The following HS6ST3 variants were observed in gnomAD, a reference collection of about 807,000 sequenced individuals.
HS6ST3 encodes the protein heparan sulfate 6-O-sulfotransferase 3, also known as heparan-sulfate 6-O-sulfotransferase 3.
HS6ST3 carries 12 observed loss-of-function variants against 36.7 expected under a neutral mutation model. That is an observed-to-expected ratio of 0.33 (90% CI 0.21 to 0.53). HS6ST3 has a LOEUF of 0.53. HS6ST3 is among the 20% of genes least tolerant of loss of function. The pLI, the probability that HS6ST3 is intolerant of heterozygous loss-of-function variation, is 0.95. For synonymous variants in HS6ST3, 240 were observed against 257.5 expected (o/e 0.93, Z 0.65); for missense variants, 584 against 640.9 (o/e 0.91, Z 0.96).
intron 1 of HS6ST3, among the ~76,000 whole-genome samples, chr13:96,128,240 G>C (rs1474879446): frequency 6.6e-6 from 1 of 152,196 alleles, no homozygotes; most frequent in Non-Finnish European, 1.5e-5. Flanking sequence ...AAGCAGCTCT[G>C]AATGTGCTTA....
chr13:96,425,200 G>A (rs2055580602), intron 1 of HS6ST3, among the ~76,000 whole-genome samples: 1 of 152,214 alleles, frequency 6.6e-6, no homozygotes, highest in South Asian at 2.1e-4. Flanking sequence ...CAGCCTCTTA[G>A]ATCATTGTGA....
At chr13:96,313,922 C>T (rs900662414) in intron 1 of HS6ST3, among the ~76,000 whole-genome samples, 2 of 152,088 alleles carry the variant, frequency 1.3e-5, no homozygotes, top group Admixed American at 1.3e-4. Flanking sequence ...TCCCCAAGGC[C>T]GTAAGTGGTA....
At chr13:96,384,268 T>A (rs2055356635) in intron 1 of HS6ST3, among the ~76,000 whole-genome samples, 1 of 152,158 alleles carries the variant, frequency 6.6e-6, no homozygotes, top group Non-Finnish European at 1.5e-5. Flanking sequence ...TTATTTTATT[T>A]TTGTTCTTTT....
rs79050827 is a variant in HS6ST3 at position 96,697,727 on chromosome 13, C to T, written c.708-134763C>T. On this transcript the variant is annotated intron_variant, in intron 1 of 1. Coordinates refer to ENST00000376705, the MANE Select transcript of HS6ST3 (RefSeq NM_153456.4). ...AATCTGATAACCTCTATGACTTTTTCGATAAGATATTAGTAAAATTATTTC... is the reference window on the plus strand; with the variant it reads ...AATCTGATAACCTCTATGACTTTTTTGATAAGATATTAGTAAAATTATTTC... Among the ~76,000 whole-genome samples, 57 of 152,218 alleles carry T rather than the reference C, an allele frequency of 3.7e-4. No individual in the cohort carries two copies. The East Asian group carries it at 0.01, about 27-fold the overall frequency.
intron 1 of HS6ST3, among the ~76,000 whole-genome samples, chr13:96,438,911 C>CA (rs1053438664): frequency 1.3e-5 from 2 of 151,776 alleles, no homozygotes; most frequent in African/African-American, 2.4e-5. Context: ...ACTAAAAATA[C>CA]AAAAAAATTA....
Position 96,641,067 on chromosome 13 carries a change from GT to G in HS6ST3, c.708-191415del, listed in dbSNP as rs1042270774. Among the ~76,000 whole-genome samples, 44 of 151,788 alleles carry G rather than the reference GT, an allele frequency of 2.9e-4. 1 individual carries two copies. The Middle Eastern group carries it at 0.014, about 47-fold the overall frequency. On this transcript the variant is annotated intron_variant, in intron 1 of 1. Transcript: ENST00000376705. The stretch of plus-strand genomic sequence containing the variant: ...TTGGTTCTATATGAATTTTAGAATA[GT>G]TTTTTTTCCTAGTTATGTGTGAAAT...
intron 1 of HS6ST3, among the ~76,000 whole-genome samples, chr13:96,788,364 C>T (rs189031853): frequency 4.2e-4 from 64 of 151,942 alleles, no homozygotes; most frequent in Non-Finnish European, 6.5e-4. Flanking sequence ...GGTATCTTAA[C>T]TATATTGGTA....
intron 1 of HS6ST3, among the ~76,000 whole-genome samples, chr13:96,184,322 T>C (rs1392869571): frequency 6.6e-6 from 1 of 152,058 alleles, no homozygotes; most frequent in Non-Finnish European, 1.5e-5. Flanking sequence ...TTTGTCATGC[T>C]ATCTGTTGTA....
At chr13:96,640,983 A>C (rs2139006666) in intron 1 of HS6ST3, among the ~76,000 whole-genome samples, 1 of 151,966 alleles carries the variant, frequency 6.6e-6, no homozygotes. Flanking sequence ...GTCAGGTGAT[A>C]TGATGCCTCT....
At chr13:96,214,902 G>A (rs1209390255) in intron 1 of HS6ST3, among the ~76,000 whole-genome samples, 2 of 152,198 alleles carry the variant, frequency 1.3e-5, no homozygotes, top group Non-Finnish European at 2.9e-5. Context: ...GAAAAAGAGA[G>A]ACGTGCTGCT....
rs776338767 is a variant in HS6ST3 at position 96,833,169 on chromosome 13, G to A, written c.1387G>A (p.Asp463Asn). 6.3e-7 allele frequency: 1 copy of A among 1,581,500 alleles called. No individual in the cohort carries two copies. The highest frequency in any genetic ancestry group is 1.1e-5 in the South Asian group (1 of 87,738). ...GGCTGCAGAAGGGACTGTCACCGAGGACTACAACAGCCAGGTGGTGAGATG... is the reference window on the plus strand; with the variant it reads ...GGCTGCAGAAGGGACTGTCACCGAGAACTACAACAGCCAGGTGGTGAGATG... ...DGAAEGTVTE[D>N]YNSQVVRW Residue 463 changes from aspartate (D) to asparagine (N), a missense_variant, in exon 2 of 2, where the codon GAC becomes AAC. Transcript: ENST00000376705.
At chr13:96,250,955 G>A (rs1333527221) in intron 1 of HS6ST3, among the ~76,000 whole-genome samples, 2 of 152,150 alleles carry the variant, frequency 1.3e-5, no homozygotes, top group East Asian at 3.9e-4. Flanking sequence ...ATATTATGGT[G>A]CATAATCCTT....
Position 96,559,071 on chromosome 13 carries a change from AATCTATCTATCTATCTATCTATCT to A in HS6ST3, c.708-273388_708-273365del, listed in dbSNP as rs3051060. 2.7e-3 allele frequency among the ~76,000 whole-genome samples: 392 copies of A among 147,542 alleles called. 3 individuals carry two copies. The highest frequency in any genetic ancestry group is 8.8e-3 in the African/African-American group (352 of 39,832). ...ACCAATTCTAAGTGAGAATCTATAT[AATCTATCTATCTATCTATCTATCT>A]ATCTATCTATCTATCTATCTATCTA... On this transcript the variant is annotated intron_variant, in intron 1 of 1. Coordinates refer to ENST00000376705, the MANE Select transcript of HS6ST3 (RefSeq NM_153456.4).
Position 96,091,160 on chromosome 13 carries a change from G to A in HS6ST3, c.298G>A (p.Glu100Lys). Residue 100 changes from glutamate (E) to lysine (K), a missense_variant, in exon 1 of 2, where the codon GAG becomes AAG. Physicochemically the swap from Glu to Lys is moderately conservative, Grantham distance 56. Coordinates refer to ENST00000376705, the MANE Select transcript of HS6ST3 (RefSeq NM_153456.4). ...GGACGAGGAGCCCGGAGACCCCCGGGAGGGGGAGGAAGAGGAGGAGGAAGA... is the reference window on the plus strand; with the variant it reads ...GGACGAGGAGCCCGGAGACCCCCGGAAGGGGGAGGAAGAGGAGGAGGAAGA... The part of the protein sequence containing the change: ...EEDEEPGDPR[E>K]GEEEEEEDEP... The A allele has an allele frequency of 6.5e-7, 1 of 1,542,322 alleles. No homozygotes were observed. Among genetic ancestry groups the A allele is most frequent in the Non-Finnish European group, 8.8e-7 (1 of 1,142,704 alleles).
At chr13:96,105,057 A>G (rs1388194598) in intron 1 of HS6ST3, among the ~76,000 whole-genome samples, 2 of 123,164 alleles carry the variant, frequency 1.6e-5, no homozygotes, top group African/African-American at 2.9e-5. Context: ...AACCAAAGGC[A>G]TAAAGATGGA....
chr13:96,322,727 G>A lies in HS6ST3; in HGVS notation c.707+231158G>A, dbSNP rs142849229. ...ACTCTAAAAAGAATCTACTGTCTCC[G>A]TTCTACATTTTCCTTTCTTTCATGA... On this transcript the variant is annotated intron_variant, in intron 1 of 1. Transcript: ENST00000376705. 1.1e-3 allele frequency among the ~76,000 whole-genome samples: 160 copies of A among 152,166 alleles called. 2 individuals are homozygous for A. Among genetic ancestry groups the A allele is most frequent in the East Asian group, 9.1e-3 (47 of 5,184 alleles).
At chr13:96,247,537 A>G (rs913112023) in intron 1 of HS6ST3, among the ~76,000 whole-genome samples, 4 of 152,002 alleles carry the variant, frequency 2.6e-5, no homozygotes, top group Non-Finnish European at 5.9e-5. Context: ...CCTTCCACCA[A>G]ATGATTGTAA....
At chr13:96,593,187 T>C (rs1220015474) in intron 1 of HS6ST3, among the ~76,000 whole-genome samples, 1 of 102,842 alleles carries the variant, frequency 9.7e-6, no homozygotes, top group Non-Finnish European at 2.0e-5. Flanking sequence ...TTTTTTTTTT[T>C]TTTTTTTTTT....
intron 1 of HS6ST3, among the ~76,000 whole-genome samples, chr13:96,257,587 T>C (rs2054643164): frequency 6.6e-6 from 1 of 152,212 alleles, no homozygotes; most frequent in Non-Finnish European, 1.5e-5. Context: ...AGCTACTTCA[T>C]AACATTGTTG....
Sources: allele counts gnomAD v4.1 joint callset (sites outside exome capture counted in the v4.1 genomes callset), GRCh38; gene constraint gnomAD v4.1.1; transcripts MANE v1.5; gene names NCBI Gene and HGNC (gene_info 2026-07-23, HGNC 2026-07-21).